KLF12: variants seen among roughly 807,000 people sequenced by gnomAD.
KLF12 encodes Krueppel-like factor 12.
Under a neutral mutation model 37.8 loss-of-function variants are expected in KLF12, and 9 were observed. That is an observed-to-expected ratio of 0.24 (90% confidence interval 0.14 to 0.42). The LOEUF is 0.42. Among genes scored for constraint, KLF12 ranks in the 10% least tolerant of loss-of-function variants. KLF12 has a pLI of 1.00. For synonymous variants in KLF12, 208 were observed against 202.1 expected (o/e 1.03, Z -0.25); for missense variants, 411 against 516.0 (o/e 0.80, Z 1.97).
chr13:73,764,276 T>G (rs2325559), intron 6 of KLF12, among the ~76,000 whole-genome samples: 17,341 of 152,160 alleles, frequency 0.11, 1,201 homozygotes, highest in South Asian at 0.17. Flanking sequence ...AATGGAGTAA[T>G]ATAAACAAAT....
the KLF12 span, among the ~76,000 whole-genome samples, chr13:74,151,960 T>C: frequency 0.23 from 35,460 of 152,126 alleles, 4,668 homozygotes; most frequent in African/African-American, 0.35. Context: ...GGTGAACAAA[T>C]GCAAACTAAA....
chr13:74,220,441 C>T, the KLF12 span, among the ~76,000 whole-genome samples: 1 of 152,058 alleles, frequency 6.6e-6, no homozygotes, highest in Non-Finnish European at 1.5e-5. Flanking sequence ...TATTTATGTA[C>T]ATGATGTTTT....
At chr13:73,709,949 A>C (rs1410937860) in intron 7 of KLF12, among the ~76,000 whole-genome samples, 4 of 152,206 alleles carry the variant, frequency 2.6e-5, no homozygotes, top group African/African-American at 9.7e-5. Flanking sequence ...GACAGCAAAA[A>C]TAATGAAAGC....
At chr13:73,730,837 G>A (rs1166670990) in intron 6 of KLF12, among the ~76,000 whole-genome samples, 7 of 152,042 alleles carry the variant, frequency 4.6e-5, no homozygotes, top group Non-Finnish European at 8.8e-5. Context: ...GATGATATAG[G>A]GCAGACAGGA....
At chr13:73,918,087 C>T (rs1208137876) in intron 3 of KLF12, among the ~76,000 whole-genome samples, 1 of 152,030 alleles carries the variant, frequency 6.6e-6, no homozygotes, top group African/African-American at 2.4e-5. Flanking sequence ...TCTACACACA[C>T]ACACACCATA....
chr13:73,894,358 T>G (rs1488888660), intron 3 of KLF12, among the ~76,000 whole-genome samples: 2 of 152,180 alleles, frequency 1.3e-5, no homozygotes, highest in African/African-American at 4.8e-5. Context: ...GCCCTGTAAG[T>G]AAGATACAGA....
chr13:74,211,783 A>T, the KLF12 span, among the ~76,000 whole-genome samples: 2 of 152,156 alleles, frequency 1.3e-5, no homozygotes, highest in East Asian at 3.9e-4. Context: ...TCAGTTGAAG[A>T]TTTTTTAACA....
At chr13:74,039,432 C>T (rs1345793980) in intron 1 of KLF12, among the ~76,000 whole-genome samples, 2 of 151,948 alleles carry the variant, frequency 1.3e-5, no homozygotes. Context: ...ACTTGGGAAG[C>T]TGAGATGGAA....
At chr13:74,102,261 C>T (rs1876396997) in intron 1 of KLF12, among the ~76,000 whole-genome samples, 1 of 151,502 alleles carries the variant, frequency 6.6e-6, no homozygotes, top group East Asian at 1.9e-4. Context: ...ATGGATGGAG[C>T]TTTGATGAGG....
intron 1 of KLF12, among the ~76,000 whole-genome samples, chr13:74,102,194 G>A (rs1876388177): frequency 6.6e-6 from 1 of 150,862 alleles, no homozygotes; most frequent in African/African-American, 2.4e-5. Flanking sequence ...CTCTAACCTG[G>A]GTGACAGAGC....
intron 6 of KLF12, among the ~76,000 whole-genome samples, chr13:73,719,161 G>GT (rs1566317119): frequency 6.6e-6 from 1 of 152,158 alleles, no homozygotes; most frequent in African/African-American, 2.4e-5. Flanking sequence ...AGGTAGGAAG[G>GT]TAAGTGAAGC....
In KLF12 at chr13:73,893,026, GA is replaced by G. The variant is rs137984991; in HGVS notation, c.124-46654del. 5.4e-3 allele frequency among the ~76,000 whole-genome samples: 722 copies of G among 134,646 alleles called. 2 individuals are homozygous for G. The highest frequency in any genetic ancestry group is 0.016 in the African/African-American group (587 of 37,014). The allele number at this position is 134,646 out of a possible 152,430, so 88.3% of individuals were successfully genotyped here. A position where few individuals can be genotyped will look rare whatever the true frequency, so the allele number is the denominator to read the frequency against. On this transcript the variant is annotated intron_variant, in intron 3 of 7. Coordinates refer to ENST00000377669, the MANE Select transcript of KLF12 (RefSeq NM_007249.5). ...GTTCAGAGGCAAGAGCTTTGAAAGA[GA>G]AAAAAAAAAAAACCCTTTTCTTATT...
At chr13:74,104,402 T>C (rs1876536239) in intron 1 of KLF12, among the ~76,000 whole-genome samples, 2 of 152,208 alleles carry the variant, frequency 1.3e-5, no homozygotes. Flanking sequence ...ACTTGCATGT[T>C]CTATGAATCA....
At chr13:74,050,533 A>G (rs1380755187) in intron 1 of KLF12, among the ~76,000 whole-genome samples, 1 of 152,180 alleles carries the variant, frequency 6.6e-6, no homozygotes, top group African/African-American at 2.4e-5. Context: ...GGCCCCAAGA[A>G]GATGTACTTG....
chr13:73,866,505 C>CTA (rs2138839920), intron 3 of KLF12, among the ~76,000 whole-genome samples: 1 of 152,198 alleles, frequency 6.6e-6, no homozygotes, highest in East Asian at 1.9e-4. Context: ...CAAAGAGTAA[C>CTA]TATTTGAAGA....
At chr13:74,028,674 G>A (rs959800720) in intron 1 of KLF12, among the ~76,000 whole-genome samples, 5 of 151,948 alleles carry the variant, frequency 3.3e-5, no homozygotes, top group Admixed American at 3.3e-4. Flanking sequence ...AAGAAACATG[G>A]CTCTTATGAG....
At chr13:73,795,148 A>G (rs2138296209) in intron 5 of KLF12, among the ~76,000 whole-genome samples, 1 of 152,270 alleles carries the variant, frequency 6.6e-6, no homozygotes, top group East Asian at 1.9e-4. Flanking sequence ...CTTGAATCTT[A>G]TTTTTCCCCA....
At chr13:74,058,426 G>C (rs1236915861) in intron 1 of KLF12, among the ~76,000 whole-genome samples, 1 of 144,408 alleles carries the variant, frequency 6.9e-6, no homozygotes, top group Non-Finnish European at 1.5e-5. Flanking sequence ...GCATCATCTC[G>C]GCTCACTGCA....
the KLF12 span, among the ~76,000 whole-genome samples, chr13:74,289,556 T>C: frequency 6.6e-6 from 1 of 152,222 alleles, no homozygotes; most frequent in Non-Finnish European, 1.5e-5. Flanking sequence ...CTGTATTCTT[T>C]TGTCATTTCC....
Sources: gnomAD v4.1 joint callset for allele counts (sites outside exome capture counted in the v4.1 genomes callset) on GRCh38, gnomAD v4.1.1 for gene constraint, MANE v1.5 for transcripts, NCBI Gene and HGNC (gene_info 2026-07-23, HGNC 2026-07-21) for gene names.